The following ARL15 variants were observed in gnomAD, a reference collection of about 807,000 sequenced individuals.
The protein encoded by ARL15 is ARF like GTPase 15, also known as ADP-ribosylation factor-like protein 15.
ARL15 carries 19 observed loss-of-function variants against 25.2 expected under a neutral mutation model. That is an observed-to-expected ratio of 0.75 (90% CI 0.53 to 1.10). The LOEUF is 1.10. Among genes scored for constraint, ARL15 ranks in the 50% least tolerant of loss-of-function variants. The pLI is 0.00. For missense variants in ARL15, 220 were observed against 246.0 expected (o/e 0.89, Z 0.71); for synonymous variants, 94 against 86.8 (o/e 1.08, Z -0.46).
rs567517479 is a variant in ARL15 at position 54,258,157 on chromosome 5, C to T, written c.48+52275G>A. Among the ~76,000 whole-genome samples, 183 of 139,314 alleles carry T rather than the reference C, an allele frequency of 1.3e-3. 1 individual carries two copies. Among genetic ancestry groups the T allele is most frequent in the African/African-American group, 5.3e-3 (180 of 33,782 alleles). 91.4% of individuals were successfully genotyped at this position (139,314 alleles called of 152,430 possible). A position where few individuals can be genotyped will look rare whatever the true frequency, so the allele number is the denominator to read the frequency against. ...ACGAGCCTGGGCAACATAGTTAAGA[C>T]TTTGTTTCTACAAAAAAAAAAAAAA... On this transcript the variant is annotated intron_variant, in intron 1 of 4. Transcript: ENST00000504924.
At chr5:54,158,766 G>C (rs571271369) in intron 2 of ARL15, among the ~76,000 whole-genome samples, 12 of 152,264 alleles carry the variant, frequency 7.9e-5, no homozygotes, top group Admixed American at 2.6e-4. Flanking sequence ...CCAGCTACTT[G>C]GGAGGCTGAG....
At chr5:54,228,889 T>C (rs566453687) in intron 1 of ARL15, among the ~76,000 whole-genome samples, 4 of 152,296 alleles carry the variant, frequency 2.6e-5, no homozygotes, top group Admixed American at 1.3e-4. Context: ...TAGTATTACT[T>C]TAAAAGCACC....
chr5:53,992,343 G>A (rs559370779), intron 4 of ARL15, among the ~76,000 whole-genome samples: 1 of 152,262 alleles, frequency 6.6e-6, no homozygotes, highest in South Asian at 2.1e-4. Flanking sequence ...TTTCCTGAAT[G>A]ACTGAACAAT....
intron 4 of ARL15, among the ~76,000 whole-genome samples, chr5:53,957,218 A>G (rs1043888629): frequency 6.6e-6 from 1 of 152,298 alleles, no homozygotes; most frequent in South Asian, 2.1e-4. Flanking sequence ...AGATGAGAGA[A>G]GGAATTTACC....
At chr5:54,009,863 T>C (rs2111774909) in intron 4 of ARL15, among the ~76,000 whole-genome samples, 1 of 152,172 alleles carries the variant, frequency 6.6e-6, no homozygotes, top group African/African-American at 2.4e-5. Flanking sequence ...ACAGTTCCAG[T>C]TATCAGAGCT....
intron 1 of ARL15, among the ~76,000 whole-genome samples, chr5:54,181,149 C>T (rs150390923): frequency 5.9e-5 from 9 of 152,234 alleles, no homozygotes; most frequent in African/African-American, 2.2e-4. Context: ...CATCTTCTCA[C>T]ATTGGAAATA....
intron 1 of ARL15, among the ~76,000 whole-genome samples, chr5:54,191,733 C>A (rs775651182): frequency 6.6e-5 from 10 of 152,058 alleles, no homozygotes; most frequent in Non-Finnish European, 1.2e-4. Flanking sequence ...CTACCCTTAC[C>A]ACCCCAATCT....
At chr5:54,015,801 C>T (rs1242269595) in intron 4 of ARL15, among the ~76,000 whole-genome samples, 1 of 151,972 alleles carries the variant, frequency 6.6e-6, no homozygotes, top group African/African-American at 2.4e-5. Context: ...CAAAATACAC[C>T]CCTTTGGCAT....
At chr5:54,196,635 C>T (rs1359217959) in intron 1 of ARL15, among the ~76,000 whole-genome samples, 1 of 151,772 alleles carries the variant, frequency 6.6e-6, no homozygotes, top group Non-Finnish European at 1.5e-5. Context: ...AATTTCTGTT[C>T]TCGGTGTGGG....
intron 1 of ARL15, among the ~76,000 whole-genome samples, chr5:54,180,662 G>A (rs2112427287): frequency 6.6e-6 from 1 of 152,308 alleles, no homozygotes; most frequent in South Asian, 2.1e-4. Flanking sequence ...ATTGTCCCAG[G>A]GCTGAGGCTT....
intron 4 of ARL15, among the ~76,000 whole-genome samples, chr5:53,938,037 C>T (rs963100257): frequency 1.3e-5 from 2 of 152,090 alleles, no homozygotes; most frequent in Non-Finnish European, 2.9e-5. Context: ...ATGAGAGATA[C>T]ATCATACTAA....
intron 4 of ARL15, among the ~76,000 whole-genome samples, chr5:54,006,536 C>G (rs957536528): frequency 6.6e-6 from 1 of 151,466 alleles, no homozygotes; most frequent in East Asian, 1.9e-4. Flanking sequence ...CTGCAACCAA[C>G]AGTTTGAAAA....
intron 1 of ARL15, among the ~76,000 whole-genome samples, chr5:54,203,546 C>T (rs977986720): frequency 1.3e-5 from 2 of 152,100 alleles, no homozygotes; most frequent in East Asian, 3.9e-4. Context: ...TATATAAAGT[C>T]TTTGAAAGTA....
intron 4 of ARL15, among the ~76,000 whole-genome samples, chr5:53,997,344 T>C (rs1748714342): frequency 6.6e-6 from 1 of 152,112 alleles, no homozygotes. Flanking sequence ...GCCACAGCAT[T>C]CAAAATCTCC....
chr5:53,935,205 T>C (rs914803236), intron 4 of ARL15, among the ~76,000 whole-genome samples: 2 of 152,232 alleles, frequency 1.3e-5, no homozygotes, highest in East Asian at 1.9e-4. Context: ...ACTTGTTTCA[T>C]GGAAAACATA....
intron 4 of ARL15, among the ~76,000 whole-genome samples, chr5:54,070,002 T>C (rs979079514): frequency 8.6e-5 from 13 of 150,950 alleles, no homozygotes; most frequent in African/African-American, 2.9e-4. Flanking sequence ...TGTTTGGTCA[T>C]GAAGGGTTTT....
chr5:54,040,318 C>T (rs1279041442), intron 4 of ARL15, among the ~76,000 whole-genome samples: 4 of 152,118 alleles, frequency 2.6e-5, no homozygotes, highest in Non-Finnish European at 5.9e-5. Context: ...AACAGGTGAA[C>T]TATCACATAC....
intron 2 of ARL15, among the ~76,000 whole-genome samples, chr5:54,159,445 C>T (rs1295410783): frequency 6.6e-6 from 1 of 152,180 alleles, no homozygotes; most frequent in Non-Finnish European, 1.5e-5. Context: ...ACATTTTTGT[C>T]TTGCCTTGGC....
At chr5:54,261,620 T>G (rs1209872886) in intron 1 of ARL15, among the ~76,000 whole-genome samples, 2 of 152,060 alleles carry the variant, frequency 1.3e-5, no homozygotes, top group African/African-American at 4.8e-5. Flanking sequence ...ATGTAGCATA[T>G]GTACTGAAAA....
Sources: gnomAD v4.1 joint callset for allele counts (sites outside exome capture counted in the v4.1 genomes callset) on GRCh38, gnomAD v4.1.1 for gene constraint, MANE v1.5 for transcripts, NCBI Gene and HGNC (gene_info 2026-07-23, HGNC 2026-07-21) for gene names.